NELFE: variants seen among roughly 807,000 people sequenced by gnomAD.
NELFE encodes negative elongation factor complex member E, also known as negative elongation factor E.
A neutral mutation model predicts 55.5 loss-of-function variants in NELFE; 26 were observed. That is an observed-to-expected ratio of 0.47 (90% CI 0.34 to 0.65). NELFE has a LOEUF of 0.65. Among genes scored for constraint, NELFE ranks in the 30% least tolerant of loss-of-function variants. The probability of loss-of-function intolerance (pLI) is 0.01; values close to 1 mark genes in which losing one functional copy is unlikely to be tolerated. For missense variants in NELFE, 403 were observed against 506.9 expected, an observed-to-expected ratio of 0.80 and a Z score of 1.97; for synonymous variants, 162 against 178.0, an observed-to-expected ratio of 0.91 and a Z score of 0.72.
chr6:31,957,631 C>T (rs1352375269), intron 2 of NELFE, among the ~76,000 whole-genome samples: 1 of 152,180 alleles, frequency 6.6e-6, no homozygotes, highest in African/African-American at 2.4e-5. Flanking sequence ...GATAAGAAGG[C>T]TTTGGGAATG....
rs765803662 is a variant in NELFE, at chr6:31,952,399, C to T, written c.1046-1G>A. The T allele has an allele frequency of 6.2e-7, 1 of 1,610,742 alleles. No homozygotes were observed. Among genetic ancestry groups the T allele is most frequent in the Non-Finnish European group, 8.5e-7 (1 of 1,177,192 alleles). ...CAACCCTTAGGGCTGTTCTGGACAG[C>T]TAGGGAGGGAGGAGAGGAACAGTTA... On this transcript the variant is annotated splice_acceptor_variant, in intron 10 of 10. Transcript: ENST00000375429. LOFTEE classifies it high-confidence loss of function.
Position 31,953,808 on chromosome 6 carries a change from A to G in NELFE, c.966T>C (p.Ser322=). ...VAELNGTQVE[S]VQLKVNIARK... is the part of the protein sequence containing the mutation. Reference sequence around the variant, plus strand: ...GGGCTATGTTGACTTTGAGCTGTACAGACTCCACCTGGGTCCCGTTGAGCT... The same window carrying G: ...GGGCTATGTTGACTTTGAGCTGTACGGACTCCACCTGGGTCCCGTTGAGCT... Residue 322 remains serine, a synonymous_variant, in exon 10 of 11, where the codon TCT becomes TCC. Transcript: ENST00000375429. 6.2e-7 allele frequency: 1 copy of G among 1,613,126 alleles called. No individual in the cohort carries two copies. The highest frequency in any genetic ancestry group is 8.5e-7 in the Non-Finnish European group (1 of 1,180,032).
rs773088239 is a variant in NELFE, at chr6:31,958,310, C to T, written c.75+62G>A. 8 of 1,477,098 alleles carry T rather than the reference C, an allele frequency of 5.4e-6. No individual in the cohort carries two copies. In the Admixed American group the frequency reaches 6.7e-5, roughly 12 times the overall value. 91.5% of individuals were successfully genotyped at this position (1,477,098 alleles called of 1,614,324 possible). On this transcript the variant is annotated intron_variant, in intron 2 of 10. Coordinates refer to ENST00000375429, the MANE Select transcript of NELFE (RefSeq NM_002904.6). The stretch of plus-strand genomic sequence containing the variant: ...CTTCCCCATTCGCTCACACTCACCC[C>T]ATATCTTCTCAGAGTGCAGAGTCTG...
chr6:31,956,739 T>C lies in NELFE; in HGVS notation c.245A>G (p.Lys82Arg). Residue 82 changes from lysine (K) to arginine (R), a missense_variant, in exon 4 of 11, where the codon AAG becomes AGG. Lys to Arg is a conservative substitution (Grantham distance 26). Transcript: ENST00000375429. Reference sequence around the variant, plus strand: ...TCGAGAACGCTTGAAGCCTGAGTTCTTGGTCTCAGCCTTGATGGCACTGAT... The same window carrying C: ...TCGAGAACGCTTGAAGCCTGAGTTCCTGGTCTCAGCCTTGATGGCACTGAT... ...GAISAIKAET[K>R]NSGFKRSRTL... 2 of 1,612,732 alleles carry C rather than the reference T, an allele frequency of 1.2e-6. No homozygotes were observed. The highest frequency in any genetic ancestry group is 1.7e-6 in the Non-Finnish European group (2 of 1,179,696).
rs746096073 is a variant in NELFE, at chr6:31,956,975, G to A, written c.111C>T (p.Ser37=). ...KALLALKKQS[S]SSTTSQGGVK... ...CACCACCTTGGCTGGTTGTGCTGCTGCTACTTTGCTTCTTCAGAGCCAGCA... is the reference window on the plus strand; with the variant it reads ...CACCACCTTGGCTGGTTGTGCTGCTACTACTTTGCTTCTTCAGAGCCAGCA... The change falls in exon 3 of 11, where the codon AGC becomes AGT. Residue 37 remains serine (S), a synonymous_variant. Transcript: ENST00000375429. 17 of 1,603,278 alleles carry A rather than the reference G, an allele frequency of 1.1e-5. No homozygotes were observed. Among genetic ancestry groups the A allele is most frequent in the Middle Eastern group, 1.6e-4 (1 of 6,064 alleles).
chr6:31,952,497 G>T (rs1413996186), intron 10 of NELFE, 99 bp from the exon 11 acceptor site: 2 of 808,706 alleles, frequency 2.5e-6, no homozygotes, highest in Non-Finnish European at 3.8e-6. Context: ...ACTGGCCCCT[G>T]GAAGCCCAGT....
In NELFE at chr6:31,952,153, T is replaced by C. The variant is rs1489796033; in HGVS notation, c.*148A>G. 1 of 1,480,422 alleles carries C rather than the reference T, an allele frequency of 6.8e-7. No homozygotes were observed. The highest frequency in any genetic ancestry group is 9.4e-7 in the Non-Finnish European group (1 of 1,067,820). The allele number at this position is 1,480,422 out of a possible 1,614,324, so 91.7% of individuals were successfully genotyped here. A position where few individuals can be genotyped will look rare whatever the true frequency, so the allele number is the denominator to read the frequency against. ...CACTGGCCATGTTGTTACACTGAGA[T>C]CAAACCTGACAGCCGTTTTTAAAGG... On this transcript the variant is annotated 3_prime_UTR_variant, in exon 11 of 11. Transcript: ENST00000375429.
chr6:31,956,396 C>T (rs758145562), intron 4 of NELFE, among the ~76,000 whole-genome samples: 1 of 152,102 alleles, frequency 6.6e-6, no homozygotes, highest in Non-Finnish European at 1.5e-5. Context: ...ATAAGTGACT[C>T]GATATATTAT....
chr6:31,958,031 T>A (rs1482327198), intron 2 of NELFE, among the ~76,000 whole-genome samples: 2 of 152,222 alleles, frequency 1.3e-5, no homozygotes, highest in African/African-American at 4.8e-5. Context: ...CAATCTTATT[T>A]GGAAGATCAA....
At chr6:31,956,295 T>TA (rs1231990669) in intron 4 of NELFE, among the ~76,000 whole-genome samples, 4 of 150,146 alleles carry the variant, frequency 2.7e-5, no homozygotes, top group Non-Finnish European at 4.4e-5. Context: ...AGGTTGGTCT[T>TA]AAACTCCTAA....
chr6:31,958,071 G>C lies in NELFE; in HGVS notation c.75+301C>G, dbSNP rs80082277. On this transcript the variant is annotated intron_variant, in intron 2 of 10. Transcript: ENST00000375429. ...AGAAAGATGATAGCTTCAACACTGA[G>C]TATCTGAAGTTTTTCAGTATAACAC... Among the ~76,000 whole-genome samples the C allele has an allele frequency of 0.021, 3,176 of 152,294 alleles. 91 individuals are homozygous for C. Among genetic ancestry groups the C allele is most frequent in the East Asian group, 0.11 (548 of 5,190 alleles).
intron 10 of NELFE, among the ~76,000 whole-genome samples, 169 bp downstream of exon 10, chr6:31,953,557 TCTC>T (rs1326310011): frequency 6.6e-6 from 1 of 152,208 alleles, no homozygotes; most frequent in African/African-American, 2.4e-5. Context: ...AATCCTTTTC[TCTC>T]CTTTCTTTAC....
chr6:31,954,826 C>T lies in NELFE; in HGVS notation c.471G>A (p.Gly157=), dbSNP rs751670432. ...GPDGEEAEGP[G]AGDGPPRSFD... The stretch of plus-strand genomic sequence containing the variant: ...AGCTTCGAGGGGGACCATCACCAGC[C>T]CCTGGGCCCTCTGCCTCTTCTCCAT... The change falls in exon 7 of 11, where the codon GGG becomes GGA. Residue 157 remains glycine (G), a synonymous_variant. Coordinates refer to ENST00000375429, the MANE Select transcript of NELFE (RefSeq NM_002904.6). This position sits in a 1 kb window ranked among gnomAD's most constrained non-coding sequence, Gnocchi z 5.5. 1.3e-6 allele frequency: 2 copies of T among 1,592,496 alleles called. No individual in the cohort carries two copies. The highest frequency in any genetic ancestry group is 1.1e-5 in the South Asian group (1 of 88,622).
rs897243140 is a variant in NELFE, at chr6:31,958,956, G to C, written c.-73C>G. ...GCGCCCGCGCTGGCCGCTGATAGCG[G>C]GCTCACAACGATGACGTAGCGAGGA... is the stretch of plus-strand genomic sequence containing the variant. On this transcript the variant is annotated 5_prime_UTR_variant, in exon 1 of 11. Transcript: ENST00000375429. 3 of 601,386 alleles carry C rather than the reference G, an allele frequency of 5.0e-6. No individual in the cohort carries two copies. The African/African-American group carries it at 5.6e-5, about 11-fold the overall frequency. 37.3% of individuals were successfully genotyped at this position (601,386 alleles called of 1,614,324 possible). A position where few individuals can be genotyped will look rare whatever the true frequency, so the allele number is the denominator to read the frequency against.
rs1398009215 is a variant in NELFE at position 31,954,709 on chromosome 6, C to T, written c.588G>A (p.Arg196=). The change falls in exon 7 of 11, where the codon CGG becomes CGA. Residue 196 remains arginine, a synonymous_variant. Transcript: ENST00000375429. The surrounding 1 kb of genome is among the most constrained non-coding windows in gnomAD (Gnocchi z 5.5). The part of the protein sequence containing the change: ...RSRDRSHERN[R]DRDRDRERDR... ...CCCGCTCCCGATCTCGGTCTCTGTC[C>T]CGGTTCCTCTCATGGCTGCGGTCCC... The T allele has an allele frequency of 6.2e-7, 1 of 1,613,740 alleles. No individual in the cohort carries two copies. The highest frequency in any genetic ancestry group is 1.3e-5 in the African/African-American group (1 of 75,014).
At chr6:31,953,601 T>C in intron 10 of NELFE, 128 bp downstream of exon 10, 1 of 781,190 alleles carries the variant, frequency 1.3e-6, no homozygotes, top group Non-Finnish European at 2.2e-6. Flanking sequence ...GAAATTTTCC[T>C]TCCCATTCCC....
At chr6:31,957,577 G>A (rs966547220) in intron 2 of NELFE, 2 of 378,924 alleles carry the variant, frequency 5.3e-6, no homozygotes, top group Non-Finnish European at 1.0e-5. Flanking sequence ...ACAGAGAGGA[G>A]AAGGGTATTT....
chr6:31,958,321 A>G, intron 2 of NELFE, 51 bp downstream of exon 2: 1 of 1,537,892 alleles, frequency 6.5e-7, no homozygotes, highest in Non-Finnish European at 9.0e-7. Flanking sequence ...ATATCTTCTC[A>G]GAGTGCAGAG....
At chr6:31,952,632 G>A (rs1225162194) in intron 10 of NELFE, among the ~76,000 whole-genome samples, 1 of 152,218 alleles carries the variant, frequency 6.6e-6, no homozygotes, top group Non-Finnish European at 1.5e-5. Context: ...AATCCCAAAT[G>A]TCATTGTTGA....
Sources: allele counts gnomAD v4.1 joint callset (sites outside exome capture counted in the v4.1 genomes callset), GRCh38; gene constraint gnomAD v4.1.1; non-coding constraint Gnocchi (gnomAD v3.1); transcripts MANE v1.5; gene names NCBI Gene and HGNC (gene_info 2026-07-23, HGNC 2026-07-21).